The following MYRIP variants were observed in gnomAD, a reference collection of about 807,000 sequenced individuals.
MYRIP encodes myosin VIIA and Rab interacting protein, also known as rab effector MyRIP.
MYRIP carries 49 observed loss-of-function variants against 98.0 expected under a neutral mutation model. The observed-to-expected ratio is 0.50, with a 90% CI of 0.40 to 0.63. The LOEUF is 0.63. MYRIP is among the 30% of genes least tolerant of loss of function. The pLI is 0.00. For missense variants in MYRIP, 1,004 were observed against 1,058.2 expected, an observed-to-expected ratio of 0.95 and a Z score of 0.71; for synonymous variants, 404 against 409.5, an observed-to-expected ratio of 0.99 and a Z score of 0.16.
In MYRIP at chr3:40,200,944, C is replaced by T. The variant is rs187593428; in HGVS notation, c.1666-8910C>T. 1.0e-3 allele frequency among the ~76,000 whole-genome samples: 153 copies of T among 152,288 alleles called. 1 individual carries two copies. Among genetic ancestry groups the T allele is most frequent in the Middle Eastern group, 6.8e-3 (2 of 294 alleles). On this transcript the variant is annotated intron_variant, in intron 10 of 16. Coordinates refer to ENST00000302541, the MANE Select transcript of MYRIP (RefSeq NM_015460.4). ...TCACAATCCTGAGTCAAAGAAAAAA[C>T]GAAAGTGAAACCCACTGTTAGTGCT...
intron 9 of MYRIP, among the ~76,000 whole-genome samples, chr3:40,187,668 C>A (rs1007068105): frequency 1.3e-5 from 2 of 152,198 alleles, no homozygotes; most frequent in East Asian, 3.8e-4. Context: ...TGGGACACAG[C>A]AGGCTAATTT....
At chr3:39,852,931 C>T (rs1942177438) in intron 1 of MYRIP, among the ~76,000 whole-genome samples, 2 of 152,158 alleles carry the variant, frequency 1.3e-5, no homozygotes. Flanking sequence ...CAGGCATGCG[C>T]CACCACACCT....
At chr3:40,118,940 T>C (rs1949340473) in intron 3 of MYRIP, among the ~76,000 whole-genome samples, 1 of 151,956 alleles carries the variant, frequency 6.6e-6, no homozygotes, top group Non-Finnish European at 1.5e-5. Context: ...TAGTATTCCA[T>C]GGTGTATATG....
rs1056287485 is a variant in MYRIP, at chr3:40,258,250, T to C, written c.*84T>C. ...GACCCAACAGCCATCGAGTACTGTATGTATTTCCACCTGAGGAGAAGGCCT... is the reference window on the plus strand; with the variant it reads ...GACCCAACAGCCATCGAGTACTGTACGTATTTCCACCTGAGGAGAAGGCCT... On this transcript the variant is annotated 3_prime_UTR_variant, in exon 17 of 17. Coordinates refer to ENST00000302541, the MANE Select transcript of MYRIP (RefSeq NM_015460.4). 5.9e-6 allele frequency: 9 copies of C among 1,530,040 alleles called. No homozygotes were observed. The highest frequency in any genetic ancestry group is 3.4e-5 in the South Asian group (3 of 89,352). The allele number at this position is 1,530,040 out of a possible 1,614,324, so 94.8% of individuals were successfully genotyped here.
At chr3:40,084,607 C>A (rs62261786) in intron 3 of MYRIP, among the ~76,000 whole-genome samples, 2,309 of 10,752 alleles carry the variant, frequency 0.21, 572 homozygotes, top group Middle Eastern at 0.5. Context: ...TATGTATTAT[C>A]TATCGATAGA....
intron 2 of MYRIP, among the ~76,000 whole-genome samples, chr3:39,983,017 T>C (rs761958083): frequency 2.0e-5 from 3 of 152,236 alleles, no homozygotes; most frequent in Non-Finnish European, 2.9e-5. Flanking sequence ...CCAAAGATTA[T>C]AATTATTTAA....
chr3:40,044,050 T>C lies in MYRIP; in HGVS notation c.111T>C (p.Ser37=). 6.2e-7 allele frequency: 1 copy of C among 1,613,390 alleles called. No individual in the cohort carries two copies. The highest frequency in any genetic ancestry group is 8.5e-7 in the Non-Finnish European group (1 of 1,179,638). ...NLRKKEEERL[S]ELKQKLDEEG... is the part of the protein sequence containing the mutation. ...CATTTCCCCTACCTTGGTTTCCCAGTGAGCTGAAGCAGAAGCTGGATGAGG... is the reference window on the plus strand; with the variant it reads ...CATTTCCCCTACCTTGGTTTCCCAGCGAGCTGAAGCAGAAGCTGGATGAGG... The change falls in exon 3 of 17, where the codon AGT becomes AGC. Residue 37 remains serine (S), a splice_region_variant and synonymous_variant. Coordinates refer to ENST00000302541, the MANE Select transcript of MYRIP (RefSeq NM_015460.4).
chr3:40,146,565 C>T (rs989745909), intron 3 of MYRIP, among the ~76,000 whole-genome samples: 7 of 152,172 alleles, frequency 4.6e-5, no homozygotes, highest in African/African-American at 1.7e-4. Flanking sequence ...GTCTGCTAAA[C>T]CTTGTGGGAA....
chr3:39,916,237 A>G (rs1944156667), intron 2 of MYRIP, among the ~76,000 whole-genome samples: 1 of 152,064 alleles, frequency 6.6e-6, no homozygotes. Flanking sequence ...ACCCCAGTTC[A>G]TTAGCTTTAA....
In MYRIP at chr3:39,914,979, A is replaced by G. The variant is rs117277059; in HGVS notation, c.110+14053A>G. On this transcript the variant is annotated intron_variant, in intron 2 of 16. Transcript: ENST00000302541. Reference sequence around the variant, plus strand: ...ATTTTATTCAGCTACCACCATCACAAGAATGCAAATGTGTTCTAATGGTGA... The same window carrying G: ...ATTTTATTCAGCTACCACCATCACAGGAATGCAAATGTGTTCTAATGGTGA... Among the ~76,000 whole-genome samples the G allele has an allele frequency of 2.3e-4, 35 of 152,218 alleles. No homozygotes were observed. In the East Asian group the frequency reaches 6.5e-3, roughly 28 times the overall value.
intron 2 of MYRIP, among the ~76,000 whole-genome samples, chr3:39,928,658 A>T (rs1259812529): frequency 6.6e-6 from 1 of 151,802 alleles, no homozygotes; most frequent in Non-Finnish European, 1.5e-5. Flanking sequence ...ATCAAAAAAA[A>T]AAATAGGAAT....
At chr3:40,033,109 T>C (rs1287708106) in intron 2 of MYRIP, among the ~76,000 whole-genome samples, 1 of 150,014 alleles carries the variant, frequency 6.7e-6, no homozygotes, top group East Asian at 1.9e-4. Context: ...CCACAGCCAA[T>C]ATCATACTGA....
intron 12 of MYRIP, among the ~76,000 whole-genome samples, chr3:40,243,652 CAGT>C (rs1953095433): frequency 6.6e-6 from 1 of 152,142 alleles, no homozygotes; most frequent in Non-Finnish European, 1.5e-5. Flanking sequence ...TGCTTCATCA[CAGT>C]ATTGATTAGG....
At chr3:40,090,530 A>C (rs1948720956) in intron 3 of MYRIP, among the ~76,000 whole-genome samples, 1 of 152,196 alleles carries the variant, frequency 6.6e-6, no homozygotes, top group South Asian at 2.1e-4. Context: ...TTTCTGCTGA[A>C]GGATGGCTAC....
chr3:39,815,756 G>A (rs1940882055), intron 1 of MYRIP, among the ~76,000 whole-genome samples: 1 of 152,128 alleles, frequency 6.6e-6, no homozygotes, highest in African/African-American at 2.4e-5. Flanking sequence ...AGTGGTGATA[G>A]TGGACCTCCC....
chr3:39,812,844 G>A (rs1940743517), intron 1 of MYRIP, among the ~76,000 whole-genome samples: 1 of 152,162 alleles, frequency 6.6e-6, no homozygotes, highest in African/African-American at 2.4e-5. Context: ...CAGTATCTCC[G>A]AACATGATTT....
At chr3:40,254,733 C>A (rs1009385960) in intron 16 of MYRIP, among the ~76,000 whole-genome samples, 2 of 151,932 alleles carry the variant, frequency 1.3e-5, no homozygotes, top group Non-Finnish European at 2.9e-5. Context: ...AATTTGGGAA[C>A]CCCCCCAGAT....
chr3:40,221,398 A>G (rs1952333124), intron 11 of MYRIP, among the ~76,000 whole-genome samples: 1 of 152,230 alleles, frequency 6.6e-6, no homozygotes, highest in Admixed American at 6.5e-5. Context: ...TAGGAGGCCA[A>G]GGCAAGCATA....
chr3:40,157,849 T>C (rs1417081838), intron 4 of MYRIP, among the ~76,000 whole-genome samples: 2 of 151,784 alleles, frequency 1.3e-5, no homozygotes, highest in South Asian at 4.2e-4. Context: ...ATATCCCCTT[T>C]ATCATTTTTT....
Sources: allele counts gnomAD v4.1 joint callset (sites outside exome capture counted in the v4.1 genomes callset), GRCh38; gene constraint gnomAD v4.1.1; transcripts MANE v1.5; gene names NCBI Gene and HGNC (gene_info 2026-07-23, HGNC 2026-07-21).